SLC25A48: variants seen among roughly 807,000 people sequenced by gnomAD.
SLC25A48 encodes the protein CTC-321K16.1.
Under a neutral mutation model 32.2 loss-of-function variants are expected in SLC25A48, and 29 were observed. The ratio of observed to expected loss-of-function variants is 0.90; its 90% CI spans 0.67 to 1.23. The LOEUF (loss-of-function observed/expected upper bound fraction) is 1.23. SLC25A48 is among the 50% of genes most tolerant of loss of function. The pLI, the probability that SLC25A48 is intolerant of heterozygous loss-of-function variation, is 0.00. For synonymous variants in SLC25A48, 164 were observed against 172.3 expected (o/e 0.95, Z 0.38); for missense variants, 399 against 422.7 (o/e 0.94, Z 0.49).
intron 3 of SLC25A48, among the ~76,000 whole-genome samples, chr5:135,739,780 C>CT (rs921044981): frequency 3.6e-4 from 52 of 143,812 alleles, no homozygotes; most frequent in East Asian, 2.0e-3. Flanking sequence ...ATGCTGACTT[C>CT]TTTTTTTTTT....
chr5:135,862,064 T>G (rs908114763), intron 4 of SLC25A48, among the ~76,000 whole-genome samples: 1 of 152,168 alleles, frequency 6.6e-6, no homozygotes, highest in Non-Finnish European at 1.5e-5. Flanking sequence ...GCCCTTTGCA[T>G]GGGCATGAGC....
chr5:135,723,380 T>TCACACACACACACA (rs138387748), intron 3 of SLC25A48, among the ~76,000 whole-genome samples: 9,248 of 111,372 alleles, frequency 0.083, 485 homozygotes, highest in Non-Finnish European at 0.11. Context: ...TCTCTCTCTC[T>TCACACACACACACA]CACACACACA....
At chr5:135,828,929 A>T (rs13178541) in intron 4 of SLC25A48, among the ~76,000 whole-genome samples, 1 of 152,016 alleles carries the variant, frequency 6.6e-6, no homozygotes, top group Admixed American at 6.5e-5. Flanking sequence ...GCCTCTGCAC[A>T]CTTCTCCACT....
chr5:135,859,751 G>A (rs758636527), intron 4 of SLC25A48, among the ~76,000 whole-genome samples: 16 of 152,182 alleles, frequency 1.1e-4, no homozygotes, highest in Non-Finnish European at 1.6e-4. Flanking sequence ...GGCCACAGGA[G>A]CAGGGTTTGT....
intron 3 of SLC25A48, 77 bp from the exon 4 acceptor site, chr5:135,852,486 G>A: frequency 6.6e-7 from 1 of 1,514,338 alleles, no homozygotes; most frequent in Non-Finnish European, 9.0e-7. Flanking sequence ...GTGTCCGGTG[G>A]TGTACCCCGT....
chr5:135,668,124 T>C (rs751997379), intron 3 of SLC25A48, among the ~76,000 whole-genome samples: 1 of 152,178 alleles, frequency 6.6e-6, no homozygotes, highest in African/African-American at 2.4e-5. Flanking sequence ...TAATACCTAA[T>C]AAGCAATCAT....
At chr5:135,681,481 G>A (rs1753896300) in intron 3 of SLC25A48, among the ~76,000 whole-genome samples, 1 of 152,134 alleles carries the variant, frequency 6.6e-6, no homozygotes, top group Non-Finnish European at 1.5e-5. Flanking sequence ...CACAGAGAAT[G>A]TAATGGTAAT....
chr5:135,756,014 TATG>T (rs1358437471), intron 3 of SLC25A48, among the ~76,000 whole-genome samples: 1 of 152,130 alleles, frequency 6.6e-6, no homozygotes, highest in Non-Finnish European at 1.5e-5. Context: ...GAAATTTCAC[TATG>T]ATATTTATCA....
At position 135,623,206 on chromosome 5, in the gene SLC25A48, T is replaced by A. The variant is rs1752366074; in HGVS notation, c.-848-6031T>A. 2.6e-5 allele frequency among the ~76,000 whole-genome samples: 4 copies of A among 152,238 alleles called. No homozygotes were observed. In the South Asian group the frequency reaches 8.3e-4, roughly 32 times the overall value. On this transcript the variant is annotated intron_variant, in intron 1 of 10. Coordinates refer to the SLC25A48 transcript ENST00000646290. Reference sequence around the variant, plus strand: ...TAGTATAAAGACTCTAGTATGAGACTTTTAGCATAAAGAGTTTGCTCTTGG... The same window carrying A: ...TAGTATAAAGACTCTAGTATGAGACATTTAGCATAAAGAGTTTGCTCTTGG...
chr5:135,774,546 G>A lies in SLC25A48; in HGVS notation c.-520-37977G>A, dbSNP rs369407351. Among the ~76,000 whole-genome samples, 10 of 151,812 alleles carry A rather than the reference G, an allele frequency of 6.6e-5. No homozygotes were observed. The East Asian group carries it at 7.7e-4, about 12-fold the overall frequency. On this transcript the variant is annotated intron_variant, in intron 3 of 10. Transcript: ENST00000646290. ...TGATATATTTTCTAATATCCAGGGA[G>A]GGAGAGAATGATATTACTCTGAATA...
chr5:135,779,481 G>T (rs995244171), intron 3 of SLC25A48, among the ~76,000 whole-genome samples: 1 of 151,468 alleles, frequency 6.6e-6, no homozygotes, highest in African/African-American at 2.4e-5. Context: ...TATCCAAGGG[G>T]AGAGAGGATG....
At chr5:135,799,394 C>T (rs1427006506) in intron 3 of SLC25A48, among the ~76,000 whole-genome samples, 1 of 151,466 alleles carries the variant, frequency 6.6e-6, no homozygotes, top group Non-Finnish European at 1.5e-5. Context: ...ACAGTGCCCC[C>T]CCGCCCCGTG....
chr5:135,599,679 A>G (rs998057628), intron 1 of SLC25A48, among the ~76,000 whole-genome samples: 92 of 152,328 alleles, frequency 6.0e-4, no homozygotes, highest in African/African-American at 1.7e-3. Flanking sequence ...ACAGACCAGC[A>G]CAAGAAGCTG....
intron 3 of SLC25A48, among the ~76,000 whole-genome samples, chr5:135,699,585 G>A (rs778557255): frequency 6.6e-6 from 1 of 152,204 alleles, no homozygotes; most frequent in African/African-American, 2.4e-5. Flanking sequence ...ACTGGAAATT[G>A]GGTCTGTACA....
At position 135,733,055 on chromosome 5, in the gene SLC25A48, T is replaced by C. The variant is rs368990610; in HGVS notation, c.-520-79468T>C. Among the ~76,000 whole-genome samples, 28 of 152,242 alleles carry C rather than the reference T, an allele frequency of 1.8e-4. No homozygotes were observed. In the Middle Eastern group the frequency reaches 0.01, roughly 55 times the overall value. The stretch of plus-strand genomic sequence containing the variant: ...ATTTCTTTCTGCCCATATAACAGCA[T>C]GGTGGTGCAGAATATGGAAGGCATA... On this transcript the variant is annotated intron_variant, in intron 3 of 10. Transcript: ENST00000646290.
At chr5:135,662,308 C>T (rs942501032) in intron 3 of SLC25A48, among the ~76,000 whole-genome samples, 4 of 152,102 alleles carry the variant, frequency 2.6e-5, no homozygotes, top group South Asian at 4.1e-4. Flanking sequence ...GAGAGCTTCA[C>T]GGGAGGAGGT....
intron 3 of SLC25A48, among the ~76,000 whole-genome samples, chr5:135,665,360 CTTA>C (rs1402318039): frequency 2.0e-5 from 3 of 152,066 alleles, no homozygotes; most frequent in Non-Finnish European, 4.4e-5. Flanking sequence ...AATATTTTCT[CTTA>C]TTCTGTGGAT....
chr5:135,651,965 C>T (rs866189967), intron 3 of SLC25A48, among the ~76,000 whole-genome samples: 2 of 152,182 alleles, frequency 1.3e-5, no homozygotes, highest in African/African-American at 2.4e-5. Context: ...ATTTGAGTCC[C>T]GTGTGAATGC....
At chr5:135,824,776 C>A (rs935819499) in intron 4 of SLC25A48, 1 of 152,348 alleles carries the variant, frequency 6.6e-6, no homozygotes, top group African/African-American at 2.4e-5. Context: ...GAGGCACGGG[C>A]TGGCTGCTTC....
Sources: allele counts gnomAD v4.1 joint callset (sites outside exome capture counted in the v4.1 genomes callset), GRCh38; gene constraint gnomAD v4.1.1; transcripts MANE v1.5; gene names NCBI Gene and HGNC (gene_info 2026-07-23, HGNC 2026-07-21).